The following RTF2 variants were observed in gnomAD, a reference collection of about 807,000 sequenced individuals.
RTF2 encodes the protein replication termination factor 2.
A neutral mutation model predicts 38.0 loss-of-function variants in RTF2; 18 were observed. The observed-to-expected ratio is 0.47, with a 90% CI of 0.33 to 0.70. The LOEUF (loss-of-function observed/expected upper bound fraction) is 0.70. RTF2 is among the 30% of genes least tolerant of loss of function. RTF2 has a pLI of 0.02. For missense variants in RTF2, 311 were observed against 379.6 expected (o/e 0.82, Z 1.50); for synonymous variants, 126 against 137.1 (o/e 0.92, Z 0.57).
rs375780239 is a variant in RTF2 at position 56,503,365 on chromosome 20, G to A, written c.478-9950G>A. On this transcript the variant is annotated intron_variant, in intron 5 of 8. Coordinates refer to ENST00000357348, the MANE Select transcript of RTF2 (RefSeq NM_016407.5). ...TGGAAAGAAGAAAACTTTATTTTAG[G>A]ATATCCACTCAAAACAACGACAAGA... Among the ~76,000 whole-genome samples, 5 of 152,230 alleles carry A rather than the reference G, an allele frequency of 3.3e-5. 1 individual carries two copies. Among genetic ancestry groups the A allele is most frequent in the East Asian group, 1.9e-4 (1 of 5,190 alleles).
intron 1 of RTF2, among the ~76,000 whole-genome samples, chr20:56,470,025 T>C (rs1013552623): frequency 2.0e-5 from 3 of 152,214 alleles, no homozygotes; most frequent in Non-Finnish European, 4.4e-5. Flanking sequence ...GTTTATTGTC[T>C]CTTTCCCACG....
intron 4 of RTF2, among the ~76,000 whole-genome samples, chr20:56,483,260 C>T (rs1266302153): frequency 2.0e-5 from 3 of 152,092 alleles, no homozygotes; most frequent in Non-Finnish European, 4.4e-5. Flanking sequence ...AAATTATCTT[C>T]CTAAAGTATT....
At chr20:56,472,489 G>A (rs1982024396) in intron 1 of RTF2, 1 of 808,854 alleles carries the variant, frequency 1.2e-6, no homozygotes, top group Non-Finnish European at 2.1e-6. Flanking sequence ...AAAGTTTGAT[G>A]TATCCCTTAG....
intron 7 of RTF2, 33 bp from the exon 8 acceptor site, chr20:56,517,073 G>GT: frequency 6.2e-7 from 1 of 1,612,402 alleles, no homozygotes; most frequent in African/African-American, 1.3e-5. Context: ...GTTTTGCATT[G>GT]TTTTTGCTTT....
intron 1 of RTF2, 54 bp downstream of exon 1, chr20:56,468,820 C>A: frequency 1.4e-6 from 2 of 1,445,790 alleles, no homozygotes; most frequent in Non-Finnish European, 1.9e-6. Flanking sequence ...ATTTGACGAC[C>A]CCAGAAAACG....
chr20:56,476,401 T>A (rs191258521), intron 3 of RTF2, among the ~76,000 whole-genome samples: 67 of 152,344 alleles, frequency 4.4e-4, no homozygotes, highest in African/African-American at 1.5e-3. Context: ...TAATTTTTTA[T>A]GTAAGAGGGT....
intron 5 of RTF2, among the ~76,000 whole-genome samples, chr20:56,504,785 C>G (rs1237605617): frequency 1.3e-5 from 2 of 152,198 alleles, no homozygotes; most frequent in Non-Finnish European, 2.9e-5. Flanking sequence ...AGACATAGAT[C>G]ACACACCGTA....
intron 5 of RTF2, among the ~76,000 whole-genome samples, chr20:56,510,100 A>G (rs1195879023): frequency 6.6e-6 from 1 of 152,158 alleles, no homozygotes; most frequent in African/African-American, 2.4e-5. Context: ...GGAAAGGGGA[A>G]TGGAGTGAGT....
chr20:56,482,637 G>A (rs750357743), intron 4 of RTF2, among the ~76,000 whole-genome samples: 1 of 152,216 alleles, frequency 6.6e-6, no homozygotes, highest in Non-Finnish European at 1.5e-5. Flanking sequence ...TAATTTGTAA[G>A]TATCTATAAA....
At position 56,519,349 on chromosome 20, in the gene RTF2, A is replaced by C. The variant is rs1213999703; in HGVS notation, c.*1084A>C. On this transcript the variant is annotated 3_prime_UTR_variant, in exon 9 of 9. Transcript: ENST00000357348. ...CCATGTGTGGCCCTGCTTTTTCTCA[A>C]ACCCTGTGTGGTTCCCGGCTTCACA... is the stretch of plus-strand genomic sequence containing the variant. The C allele has an allele frequency of 6.6e-6, 1 of 152,184 alleles. No homozygotes were observed. The highest frequency in any genetic ancestry group is 1.9e-4 in the East Asian group (1 of 5,200). The allele number at this position is 152,184 out of a possible 1,614,324, so 9.4% of individuals were successfully genotyped here.
chr20:56,468,834 G>A, intron 1 of RTF2, 68 bp downstream of exon 1: 1 of 1,369,692 alleles, frequency 7.3e-7, no homozygotes, highest in Non-Finnish European at 1.0e-6. Context: ...GAAAACGAGA[G>A]GAAGTAAGAA....
rs749634070 is a variant in RTF2, at chr20:56,497,595, C to G, written c.477+13406C>G. On this transcript the variant is annotated intron_variant, in intron 5 of 8. Transcript: ENST00000357348. Reference sequence around the variant, plus strand: ...CACGACAAGTCCAGACTTTGTGGCTCGAAGCTGGCTCATATCTTGAGCTCC... The same window carrying G: ...CACGACAAGTCCAGACTTTGTGGCTGGAAGCTGGCTCATATCTTGAGCTCC... The G allele has an allele frequency of 4.5e-6, 6 of 1,324,624 alleles. No homozygotes were observed. In the African/African-American group the frequency reaches 7.5e-5, roughly 17 times the overall value. The allele number at this position is 1,324,624 out of a possible 1,614,324, so 82.1% of individuals were successfully genotyped here. A position where few individuals can be genotyped will look rare whatever the true frequency, so the allele number is the denominator to read the frequency against.
intron 4 of RTF2, among the ~76,000 whole-genome samples, chr20:56,478,735 G>A (rs997842257): frequency 6.6e-6 from 1 of 152,114 alleles, no homozygotes; most frequent in African/African-American, 2.4e-5. Context: ...GTGTATTACA[G>A]TAAGACAGCA....
At chr20:56,499,224 T>A (rs944222016) in intron 5 of RTF2, among the ~76,000 whole-genome samples, 2 of 143,786 alleles carry the variant, frequency 1.4e-5, no homozygotes, top group Non-Finnish European at 3.0e-5. Context: ...TGAGACGGAG[T>A]CTTGCTCTGT....
At chr20:56,508,138 C>A (rs1312263212) in intron 5 of RTF2, among the ~76,000 whole-genome samples, 1 of 152,060 alleles carries the variant, frequency 6.6e-6, no homozygotes, top group Non-Finnish European at 1.5e-5. Flanking sequence ...ACCAGACCCA[C>A]CCTAGAAAAA....
intron 5 of RTF2, chr20:56,496,612 G>A (rs1307454026): frequency 6.8e-7 from 1 of 1,466,000 alleles, no homozygotes. Flanking sequence ...GACTGCACAG[G>A]CATCCATATC....
chr20:56,474,640 C>A (rs376078532), intron 2 of RTF2, 38 bp from the exon 3 acceptor site: 1 of 1,319,908 alleles, frequency 7.6e-7, no homozygotes, highest in Non-Finnish European at 1.1e-6. Context: ...ATTTGAAAGT[C>A]GCTTGTTGAC....
intron 5 of RTF2, chr20:56,491,927 G>A: frequency 1.6e-6 from 1 of 630,014 alleles, no homozygotes; most frequent in Non-Finnish European, 2.8e-6. Flanking sequence ...TTCCATGATT[G>A]CCTTGACAGG....
chr20:56,496,717 C>T (rs797016143), intron 5 of RTF2: 37 of 1,551,634 alleles, frequency 2.4e-5, no homozygotes, highest in Admixed American at 3.9e-5. Context: ...ATGTCTTTTG[C>T]ATGGATGTCA....
Sources: allele counts gnomAD v4.1 joint callset (sites outside exome capture counted in the v4.1 genomes callset), GRCh38; gene constraint gnomAD v4.1.1; transcripts MANE v1.5; gene names NCBI Gene and HGNC (gene_info 2026-07-23, HGNC 2026-07-21).